SCN9A: variants seen among roughly 807,000 people sequenced by gnomAD.
The protein encoded by SCN9A is sodium voltage-gated channel alpha subunit 9.
A neutral mutation model predicts 187.0 loss-of-function variants in SCN9A; 131 were observed. The observed-to-expected ratio is 0.70, with a 90% CI of 0.61 to 0.81. SCN9A has a LOEUF of 0.81. Ranked by LOEUF, SCN9A falls within the 30% of genes least tolerant of loss-of-function variation. The pLI is 0.00. For synonymous variants in SCN9A, 809 were observed against 808.6 expected (o/e 1.00, Z -0.01); for missense variants, 2,252 against 2,396.6 (o/e 0.94, Z 1.26).
At chr2:166,326,112 C>G (rs1451511477) in intron 1 of SCN9A, among the ~76,000 whole-genome samples, 1 of 151,954 alleles carries the variant, frequency 6.6e-6, no homozygotes, top group African/African-American at 2.4e-5. Flanking sequence ...TGTCTTGGCA[C>G]CAAGAAAATA....
chr2:166,332,186 C>T (rs892007396), intron 1 of SCN9A, among the ~76,000 whole-genome samples: 1 of 152,138 alleles, frequency 6.6e-6, no homozygotes, highest in African/African-American at 2.4e-5. Context: ...GGTCTATGTA[C>T]AGCTATAGTA....
At chr2:166,242,708 T>G in intron 18 of SCN9A, 52 bp from the exon 19 acceptor site, 1 of 1,369,554 alleles carries the variant, frequency 7.3e-7, no homozygotes, top group Non-Finnish European at 1.0e-6. Context: ...TAAATAAAAT[T>G]TTTAATACAT....
rs777699798 is a variant in SCN9A at position 166,286,456 on chromosome 2, C to A, written c.1482G>T (p.Lys494Asn). Reference sequence around the variant, plus strand: ...ATTTCGACAATTTCTCAGCATCTCCCTTTTCCTCTCCACTGGAGAGCTTCT... The same window carrying A: ...ATTTCGACAATTTCTCAGCATCTCCATTTTCCTCTCCACTGGAGAGCTTCT... ...NQKKLSSGEE[K>N]GDAEKLSKSE... The change falls in exon 11 of 27, where the codon AAG becomes AAT. Residue 494 changes from lysine (K) to asparagine (N), a missense_variant. This residue lies in a region of SCN9A where 1,013 missense variants were observed against 997.4 expected (regional missense o/e 1.02). Coordinates refer to ENST00000642356, the MANE Select transcript of SCN9A (RefSeq NM_001365536.1). 20 of 1,613,796 alleles carry A rather than the reference C, an allele frequency of 1.2e-5. No homozygotes were observed. The Middle Eastern group carries it at 1.3e-3, about 106-fold the overall frequency.
At chr2:166,235,678 G>GAAAA (rs60341533) in intron 20 of SCN9A, among the ~76,000 whole-genome samples, 2,894 of 142,928 alleles carry the variant, frequency 0.02, 105 homozygotes, top group African/African-American at 0.07. Flanking sequence ...ATACTTTTCA[G>GAAAA]AAAAAAAAAA....
chr2:166,302,940 T>C (rs893919518), intron 7 of SCN9A, 150 bp downstream of exon 7: 2 of 641,272 alleles, frequency 3.1e-6, no homozygotes, highest in Non-Finnish European at 5.2e-6. Flanking sequence ...GAAAATCATA[T>C]ATAACATGAC....
chr2:166,265,405 C>T (rs73021674), intron 17 of SCN9A, among the ~76,000 whole-genome samples: 1,910 of 151,920 alleles, frequency 0.013, 45 homozygotes, highest in African/African-American at 0.043. Flanking sequence ...GGCTGAATGG[C>T]GTTCAATTTT....
At chr2:166,325,462 A>C (rs1282524478) in intron 1 of SCN9A, among the ~76,000 whole-genome samples, 1 of 152,096 alleles carries the variant, frequency 6.6e-6, no homozygotes, top group Admixed American at 6.6e-5. Flanking sequence ...TATGACTTAT[A>C]AACATAGAAC....
At chr2:166,328,251 A>T (rs1024345871) in intron 1 of SCN9A, among the ~76,000 whole-genome samples, 8 of 149,964 alleles carry the variant, frequency 5.3e-5, no homozygotes, top group Non-Finnish European at 1.2e-4. Flanking sequence ...GGATATATGC[A>T]TTTTTTTTTT....
At chr2:166,368,725 C>T (rs1295635005) in intron 1 of SCN9A, among the ~76,000 whole-genome samples, 3 of 150,282 alleles carry the variant, frequency 2.0e-5, no homozygotes, top group Non-Finnish European at 4.4e-5. Context: ...TGGTGGCTCA[C>T]GCCTATAATC....
At position 166,291,793 on chromosome 2, in the gene SCN9A, A is replaced by G. The variant is rs151329015; in HGVS notation, c.1107+1438T>C. The stretch of plus-strand genomic sequence containing the variant: ...CACTTCTACAAGCATCTGATCTTCG[A>G]CAAACCTGACAAAAACAAGCAATGT... On this transcript the variant is annotated intron_variant, in intron 9 of 26. Coordinates refer to ENST00000642356, the MANE Select transcript of SCN9A (RefSeq NM_001365536.1). Among the ~76,000 whole-genome samples, 849 of 152,304 alleles carry G rather than the reference A, an allele frequency of 5.6e-3. 4 individuals carry two copies. The highest frequency in any genetic ancestry group is 9.1e-3 in the Non-Finnish European group (618 of 68,024).
intron 17 of SCN9A, among the ~76,000 whole-genome samples, chr2:166,263,330 C>T (rs1299355435): frequency 6.6e-6 from 1 of 152,000 alleles, no homozygotes; most frequent in East Asian, 1.9e-4. Context: ...TCAGATTTCT[C>T]TCTCAGGATT....
intron 10 of SCN9A, among the ~76,000 whole-genome samples, chr2:166,287,320 A>G (rs1313255537): frequency 6.6e-6 from 1 of 152,138 alleles, no homozygotes; most frequent in Non-Finnish European, 1.5e-5. Flanking sequence ...TAATTTTAAA[A>G]TTGAGATTGT....
intron 21 of SCN9A, among the ~76,000 whole-genome samples, chr2:166,231,880 G>A (rs776105369): frequency 6.6e-5 from 10 of 152,106 alleles, no homozygotes; most frequent in East Asian, 1.9e-4. Context: ...ACTAATCTCC[G>A]TGTTAAATTG....
intron 2 of SCN9A, among the ~76,000 whole-genome samples, 152 bp from the exon 3 acceptor site, chr2:166,307,226 T>C (rs1698791882): frequency 6.6e-6 from 1 of 152,196 alleles, no homozygotes; most frequent in Non-Finnish European, 1.5e-5. Flanking sequence ...CATCAACGCA[T>C]CTATCAATGT....
At chr2:166,290,119 A>G (rs534138749) in intron 9 of SCN9A, among the ~76,000 whole-genome samples, 2 of 139,196 alleles carry the variant, frequency 1.4e-5, no homozygotes, top group African/African-American at 2.7e-5. Flanking sequence ...CCCTGTGTCC[A>G]TGTGTTCAAA....
chr2:166,281,576 T>A (rs1263397280), intron 13 of SCN9A, 103 bp downstream of exon 13: 1 of 1,052,722 alleles, frequency 9.5e-7, no homozygotes, highest in South Asian at 1.8e-5. Context: ...CATTTTATGG[T>A]CTCTGAATTC....
intron 1 of SCN9A, among the ~76,000 whole-genome samples, chr2:166,365,991 T>C (rs1178535312): frequency 6.6e-6 from 1 of 152,144 alleles, no homozygotes. Flanking sequence ...AGAGTATAAA[T>C]GCTGAGAGGA....
chr2:166,215,024 T>C (rs1694271192), intron 24 of SCN9A, among the ~76,000 whole-genome samples: 1 of 152,140 alleles, frequency 6.6e-6, no homozygotes, highest in Non-Finnish European at 1.5e-5. Flanking sequence ...CATGAAACAC[T>C]CTCCAGGATA....
intron 26 of SCN9A, among the ~76,000 whole-genome samples, chr2:166,201,517 ATATATAG>A (rs1449362276): frequency 7.4e-5 from 4 of 54,358 alleles, no homozygotes; most frequent in African/African-American, 1.7e-4. Context: ...CGTATACTAT[ATATATAG>A]TATAGAGTAT....
Sources: allele counts gnomAD v4.1 joint callset (sites outside exome capture counted in the v4.1 genomes callset), GRCh38; gene constraint gnomAD v4.1.1; regional missense constraint gnomAD v4.1.1; transcripts MANE v1.5; gene names NCBI Gene and HGNC (gene_info 2026-07-23, HGNC 2026-07-21).